The following KCNJ16 variants were observed in gnomAD, a reference collection of about 807,000 sequenced individuals.
KCNJ16 encodes the protein potassium inwardly rectifying channel subfamily J member 16.
In KCNJ16, 15 loss-of-function variants were observed where a neutral mutation model predicts 18.5. The observed-to-expected ratio is 0.81, with a 90% CI of 0.54 to 1.25. The LOEUF is 1.25. KCNJ16 is among the 50% of genes most tolerant of loss of function. The pLI is 0.00. For missense variants in KCNJ16, 523 were observed against 525.7 expected (o/e 0.99, Z 0.05); for synonymous variants, 174 against 186.5 (o/e 0.93, Z 0.55).
chr17:70,114,887 A>G (rs2073342306), intron 2 of KCNJ16, among the ~76,000 whole-genome samples: 1 of 152,178 alleles, frequency 6.6e-6, no homozygotes, highest in South Asian at 2.1e-4. Flanking sequence ...CTAAGACTGT[A>G]GTCATAGCTA....
At chr17:70,119,745 C>T (rs951101038) in intron 2 of KCNJ16, among the ~76,000 whole-genome samples, 2 of 152,182 alleles carry the variant, frequency 1.3e-5, no homozygotes, top group Non-Finnish European at 2.9e-5. Flanking sequence ...TCTCCTAGAC[C>T]TTTGGGCCTG....
chr17:70,113,535 T>C (rs2073275758), intron 2 of KCNJ16, among the ~76,000 whole-genome samples: 1 of 152,192 alleles, frequency 6.6e-6, no homozygotes, highest in African/African-American at 2.4e-5. Context: ...TTTGGCTGAA[T>C]GGTACAGAAA....
chr17:70,096,721 T>C (rs1598113226), intron 1 of KCNJ16: 2 of 374,438 alleles, frequency 5.3e-6, no homozygotes, highest in East Asian at 7.5e-5. Context: ...AATCAGGTGA[T>C]AACAACCTTC....
chr17:70,095,449 T>C (rs1020168722), intron 1 of KCNJ16, among the ~76,000 whole-genome samples: 1 of 152,172 alleles, frequency 6.6e-6, no homozygotes, highest in African/African-American at 2.4e-5. Context: ...AAACCATTTA[T>C]AGAGGAAGCC....
chr17:70,090,062 C>T (rs1343848687), intron 1 of KCNJ16, among the ~76,000 whole-genome samples: 1 of 152,200 alleles, frequency 6.6e-6, no homozygotes, highest in African/African-American at 2.4e-5. Context: ...TTTTAGCCTC[C>T]ACCCCAGATT....
intron 2 of KCNJ16, among the ~76,000 whole-genome samples, chr17:70,118,886 A>G (rs1444655316): frequency 1.3e-5 from 2 of 152,090 alleles, no homozygotes; most frequent in East Asian, 3.9e-4. Context: ...CAAATTCCCA[A>G]AAGTCTTAAC....
intron 2 of KCNJ16, among the ~76,000 whole-genome samples, chr17:70,112,605 T>C (rs754793869): frequency 3.9e-5 from 6 of 152,144 alleles, no homozygotes; most frequent in Admixed American, 1.3e-4. Context: ...TTTTCATAAA[T>C]ATTATCTATC....
At chr17:70,115,341 GCCTA>G (rs879324580) in intron 2 of KCNJ16, among the ~76,000 whole-genome samples, 13,009 of 152,040 alleles carry the variant, frequency 0.086, 1,858 homozygotes, top group African/African-American at 0.3. Context: ...TTGAGGTTAT[GCCTA>G]AATAGCTGGG....
chr17:70,086,952 G>A (rs566188430), intron 1 of KCNJ16, among the ~76,000 whole-genome samples: 162 of 152,202 alleles, frequency 1.1e-3, no homozygotes, highest in African/African-American at 3.8e-3. Flanking sequence ...AGGCTGGAGT[G>A]CAATGGTGCA....
chr17:70,130,228 T>C (rs1249581915), intron 2 of KCNJ16, among the ~76,000 whole-genome samples: 1 of 152,208 alleles, frequency 6.6e-6, no homozygotes, highest in East Asian at 1.9e-4. Flanking sequence ...TATTGTTCAA[T>C]GACAAGTCAG....
chr17:70,096,480 A>AT (rs993582032), intron 1 of KCNJ16, among the ~76,000 whole-genome samples: 13 of 152,284 alleles, frequency 8.5e-5, no homozygotes, highest in African/African-American at 3.1e-4. Context: ...TTATTTAAAA[A>AT]TTTTTATAGT....
intron 1 of KCNJ16, among the ~76,000 whole-genome samples, chr17:70,090,635 T>C (rs112546893): frequency 0.037 from 5,605 of 152,174 alleles, 98 homozygotes; most frequent in Middle Eastern, 0.068. Flanking sequence ...AGCAGGGATA[T>C]ATGAAATAGT....
At chr17:70,099,486 C>A (rs2072529589) in intron 1 of KCNJ16, among the ~76,000 whole-genome samples, 1 of 151,780 alleles carries the variant, frequency 6.6e-6, no homozygotes, top group African/African-American at 2.4e-5. Flanking sequence ...AAGGTCTAGT[C>A]ATCATAAAAT....
At chr17:70,103,221 T>A in intron 2 of KCNJ16, among the ~76,000 whole-genome samples, 1 of 144,720 alleles carries the variant, frequency 6.9e-6, no homozygotes, top group East Asian at 2.0e-4. Flanking sequence ...TGTGTATATA[T>A]ATGTGTATTA....
intron 1 of KCNJ16, among the ~76,000 whole-genome samples, chr17:70,080,127 A>G (rs929896111): frequency 2.0e-5 from 3 of 152,182 alleles, no homozygotes; most frequent in Non-Finnish European, 4.4e-5. Flanking sequence ...CCAACCTTCT[A>G]ATGACATTGC....
At chr17:70,125,927 T>C (rs555684543) in intron 2 of KCNJ16, among the ~76,000 whole-genome samples, 3 of 149,774 alleles carry the variant, frequency 2.0e-5, no homozygotes, top group Non-Finnish European at 4.4e-5. Context: ...CAAGTTTCCG[T>C]CTCAAAAAAA....
At chr17:70,098,995 A>T (rs547226681) in intron 1 of KCNJ16, among the ~76,000 whole-genome samples, 1 of 152,220 alleles carries the variant, frequency 6.6e-6, no homozygotes, top group South Asian at 2.1e-4. Flanking sequence ...CTGAAGCCTC[A>T]TATCAGTGAC....
At chr17:70,110,522 G>A (rs2073142686) in intron 2 of KCNJ16, among the ~76,000 whole-genome samples, 1 of 146,990 alleles carries the variant, frequency 6.8e-6, no homozygotes, top group Non-Finnish European at 1.5e-5. Context: ...CCGGCATCCA[G>A]TCTTTATGAT....
At chr17:70,106,572 C>T (rs568633109) in intron 2 of KCNJ16, among the ~76,000 whole-genome samples, 27 of 152,264 alleles carry the variant, frequency 1.8e-4, no homozygotes, top group African/African-American at 6.0e-4. Context: ...TAAGAAAACA[C>T]AAGCCAATTG....
Sources: allele counts gnomAD v4.1 joint callset (sites outside exome capture counted in the v4.1 genomes callset), GRCh38; gene constraint gnomAD v4.1.1; transcripts MANE v1.5; gene names NCBI Gene and HGNC (gene_info 2026-07-23, HGNC 2026-07-21).